SCAMP1: variants seen among roughly 807,000 people sequenced by gnomAD.
SCAMP1 encodes secretory carrier-associated membrane protein 1.
Under a neutral mutation model 41.8 loss-of-function variants are expected in SCAMP1, and 15 were observed. The observed-to-expected ratio is 0.36, with a 90% CI of 0.24 to 0.55. SCAMP1 has a LOEUF of 0.55. Ranked by LOEUF, SCAMP1 falls within the 20% of genes least tolerant of loss-of-function variation. The pLI is 0.86. For missense variants in SCAMP1, 341 were observed against 412.6 expected (o/e 0.83, Z 1.50); for synonymous variants, 135 against 136.8 (o/e 0.99, Z 0.09).
intron 8 of SCAMP1, among the ~76,000 whole-genome samples, chr5:78,464,105 G>A (rs1207309031): frequency 6.6e-6 from 1 of 151,628 alleles, no homozygotes; most frequent in Non-Finnish European, 1.5e-5. Flanking sequence ...AGCCTCCCAA[G>A]TAGCTGGGAC....
chr5:78,382,811 G>GTGTT (rs1554041427), intron 1 of SCAMP1, among the ~76,000 whole-genome samples: 10 of 69,272 alleles, frequency 1.4e-4, no homozygotes, highest in African/African-American at 4.0e-4. Flanking sequence ...GTGTGTGTGT[G>GTGTT]TGTGTGTGCG....
At chr5:78,427,092 G>T (rs1752487576) in intron 6 of SCAMP1, among the ~76,000 whole-genome samples, 1 of 152,166 alleles carries the variant, frequency 6.6e-6, no homozygotes, top group Non-Finnish European at 1.5e-5. Flanking sequence ...AAAGAAAAGA[G>T]ATTTATTTGG....
chr5:78,417,670 A>G (rs1752241878), intron 4 of SCAMP1, among the ~76,000 whole-genome samples: 1 of 152,206 alleles, frequency 6.6e-6, no homozygotes, highest in African/African-American at 2.4e-5. Flanking sequence ...AGATATGGAA[A>G]CTAAGGCTCG....
intron 4 of SCAMP1, among the ~76,000 whole-genome samples, chr5:78,417,495 CTA>C (rs1752237484): frequency 6.6e-6 from 1 of 152,186 alleles, no homozygotes; most frequent in African/African-American, 2.4e-5. Context: ...CAAATACAAA[CTA>C]TTTCTATGAG....
intron 8 of SCAMP1, among the ~76,000 whole-genome samples, chr5:78,474,660 T>C (rs927132619): frequency 1.3e-5 from 2 of 152,198 alleles, no homozygotes; most frequent in Admixed American, 6.5e-5. Context: ...GTCAAGCTTC[T>C]AATTTAGATC....
rs542982226 is a variant in SCAMP1, at chr5:78,361,802, C to T, written c.57+1074C>T. Among the ~76,000 whole-genome samples the T allele has an allele frequency of 2.8e-4, 42 of 152,360 alleles. 1 individual carries two copies. Among genetic ancestry groups the T allele is most frequent in the African/African-American group, 9.4e-4 (39 of 41,582 alleles). Reference sequence around the variant, plus strand: ...AAACAGGAACTCTAATTTGTGGTCACACAAGTGTCACTTCTGGCTTGTTGA... The same window carrying T: ...AAACAGGAACTCTAATTTGTGGTCATACAAGTGTCACTTCTGGCTTGTTGA... On this transcript the variant is annotated intron_variant, in intron 1 of 8. Coordinates refer to ENST00000621999, the MANE Select transcript of SCAMP1 (RefSeq NM_004866.6).
Position 78,477,176 on chromosome 5 carries a change from T to C in SCAMP1, c.*1508T>C, listed in dbSNP as rs1412145611. On this transcript the variant is annotated 3_prime_UTR_variant, in exon 9 of 9. Coordinates refer to ENST00000621999, the MANE Select transcript of SCAMP1 (RefSeq NM_004866.6). ...ACCTGTAGTTACAGAAAAAGTTTTA[T>C]GCTAGAGGTGGGATGCCAAGTTTTC... 6.6e-6 allele frequency: 1 copy of C among 152,160 alleles called. No homozygotes were observed. Among genetic ancestry groups the C allele is most frequent in the Non-Finnish European group, 1.5e-5 (1 of 67,988 alleles). The allele number at this position is 152,160 out of a possible 1,614,324, so 9.4% of individuals were successfully genotyped here.
chr5:78,458,674 GT>G (rs1374607880), intron 7 of SCAMP1, among the ~76,000 whole-genome samples: 1 of 152,190 alleles, frequency 6.6e-6, no homozygotes, highest in African/African-American at 2.4e-5. Flanking sequence ...GAGGTCAGGA[GT>G]TCGAGACCAG....
chr5:78,403,631 G>A (rs1399253105), intron 2 of SCAMP1, among the ~76,000 whole-genome samples: 1 of 152,024 alleles, frequency 6.6e-6, no homozygotes, highest in Admixed American at 6.5e-5. Context: ...TTGAGATCCT[G>A]TCTCTACAAA....
chr5:78,458,974 G>A (rs953094030), intron 7 of SCAMP1, among the ~76,000 whole-genome samples: 4 of 152,206 alleles, frequency 2.6e-5, no homozygotes, highest in African/African-American at 4.8e-5. Context: ...TGAGACTCTG[G>A]AGTTTGGTTT....
At chr5:78,401,056 T>C (rs1385457912) in intron 2 of SCAMP1, among the ~76,000 whole-genome samples, 2 of 152,198 alleles carry the variant, frequency 1.3e-5, no homozygotes, top group African/African-American at 4.8e-5. Flanking sequence ...GCATGTGTGT[T>C]GGATTTTGTG....
At chr5:78,472,096 C>A (rs1753894632) in intron 8 of SCAMP1, among the ~76,000 whole-genome samples, 1 of 151,820 alleles carries the variant, frequency 6.6e-6, no homozygotes, top group Admixed American at 6.6e-5. Flanking sequence ...AGGTAATATG[C>A]ATTCAGGTCA....
In SCAMP1 at chr5:78,425,221, C is replaced by T. The variant is rs1198220295; in HGVS notation, c.632+3261C>T. Among the ~76,000 whole-genome samples the T allele has an allele frequency of 2.6e-5, 4 of 152,000 alleles. No individual in the cohort carries two copies. In the East Asian group the frequency reaches 7.7e-4, roughly 29 times the overall value. On this transcript the variant is annotated intron_variant, in intron 6 of 8. Transcript: ENST00000621999. Reference sequence around the variant, plus strand: ...ACAATTTTCAAAGTAGTACTTTCTCCCACTTTTTAATTATGATGTATTTAA... The same window carrying T: ...ACAATTTTCAAAGTAGTACTTTCTCTCACTTTTTAATTATGATGTATTTAA...
intron 7 of SCAMP1, among the ~76,000 whole-genome samples, chr5:78,453,074 T>A (rs1197809504): frequency 6.7e-6 from 1 of 149,304 alleles, no homozygotes; most frequent in Non-Finnish European, 1.5e-5. Context: ...CATTGTAGAT[T>A]CTGGATATTA....
At position 78,426,703 on chromosome 5, in the gene SCAMP1, A is replaced by G. The variant is rs192983703; in HGVS notation, c.632+4743A>G. Among the ~76,000 whole-genome samples, 194 of 152,280 alleles carry G rather than the reference A, an allele frequency of 1.3e-3. 1 individual carries two copies. The highest frequency in any genetic ancestry group is 4.5e-3 in the African/African-American group (185 of 41,562). On this transcript the variant is annotated intron_variant, in intron 6 of 8. Transcript: ENST00000621999. ...TCCATCCTTCCCAAAATTTCCCTGG[A>G]TTCATTTGCACACAATTCTCATTCC... is the stretch of plus-strand genomic sequence containing the variant.
chr5:78,398,085 A>T (rs942671807), intron 2 of SCAMP1, among the ~76,000 whole-genome samples: 1 of 152,212 alleles, frequency 6.6e-6, no homozygotes, highest in Non-Finnish European at 1.5e-5. Context: ...TGACCCTGTA[A>T]TTCCACTCTT....
intron 1 of SCAMP1, among the ~76,000 whole-genome samples, chr5:78,365,037 C>T (rs894285617): frequency 2.6e-5 from 4 of 152,168 alleles, no homozygotes; most frequent in African/African-American, 9.6e-5. Context: ...ACTCAGTTTA[C>T]TATTTTGTAA....
intron 1 of SCAMP1, among the ~76,000 whole-genome samples, chr5:78,385,695 A>C (rs1437737356): frequency 6.6e-6 from 1 of 151,962 alleles, no homozygotes; most frequent in African/African-American, 2.4e-5. Flanking sequence ...CTTGATGTTA[A>C]TGTTGACCCA....
chr5:78,410,661 C>T (rs543673347), intron 2 of SCAMP1, among the ~76,000 whole-genome samples: 2 of 152,292 alleles, frequency 1.3e-5, no homozygotes, highest in African/African-American at 4.8e-5. Flanking sequence ...GGTATTTACA[C>T]AGTAATGGGA....
Sources: gnomAD v4.1 joint callset for allele counts (sites outside exome capture counted in the v4.1 genomes callset) on GRCh38, gnomAD v4.1.1 for gene constraint, MANE v1.5 for transcripts, NCBI Gene and HGNC (gene_info 2026-07-23, HGNC 2026-07-21) for gene names.